MAGI3: variants seen among roughly 807,000 people sequenced by gnomAD.
MAGI3 encodes membrane associated guanylate kinase, WW and PDZ domain containing 3.
In MAGI3, 43 loss-of-function variants were observed where a neutral mutation model predicts 121.8. The observed-to-expected ratio is 0.35, with a 90% CI of 0.28 to 0.46. The LOEUF (loss-of-function observed/expected upper bound fraction) is 0.46. Among genes scored for constraint, MAGI3 ranks in the 20% least tolerant of loss-of-function variants. The probability of loss-of-function intolerance (pLI) is 1.00; values close to 1 mark genes in which losing one functional copy is unlikely to be tolerated. For missense variants in MAGI3, 1,547 were observed against 1,797.3 expected, an observed-to-expected ratio of 0.86 and a Z score of 2.52; for synonymous variants, 553 against 639.3, an observed-to-expected ratio of 0.86 and a Z score of 2.04.
chr1:113,534,424 G>A (rs1482031791), intron 1 of MAGI3, among the ~76,000 whole-genome samples: 1 of 152,042 alleles, frequency 6.6e-6, no homozygotes, highest in East Asian at 1.9e-4. Context: ...TTGCGGCCTT[G>A]CCTTTCCTTC....
At chr1:113,416,003 T>TACATATATTAATTATGTAATTAATG (rs1652286263) in intron 1 of MAGI3, among the ~76,000 whole-genome samples, 10 of 89,794 alleles carry the variant, frequency 1.1e-4, no homozygotes, top group Admixed American at 2.4e-4. Flanking sequence ...TATAATTAAT[T>TACATATATTAATTATGTAATTAATG]ACATATATTA....
At chr1:113,624,210 T>G (rs1323503553) in intron 9 of MAGI3, among the ~76,000 whole-genome samples, 1 of 152,192 alleles carries the variant, frequency 6.6e-6, no homozygotes, top group Non-Finnish European at 1.5e-5. Flanking sequence ...TCCTTTCTTG[T>G]GGGTATATAC....
In MAGI3 at chr1:113,550,972, G is replaced by A. The variant is rs66602772; in HGVS notation, c.433+1341G>A. ...CTTCCCCAACAAGAAAAAAAAAAAA[G>A]AAGAAGAAGAAAAAGGAAAGGGACT... On this transcript the variant is annotated intron_variant, in intron 2 of 20. Transcript: ENST00000307546. Among the ~76,000 whole-genome samples, 310 of 38,288 alleles carry A rather than the reference G, an allele frequency of 8.1e-3. 1 individual carries two copies. Among genetic ancestry groups the A allele is most frequent in the South Asian group, 0.033 (21 of 646 alleles). 25.1% of individuals were successfully genotyped at this position (38,288 alleles called of 152,430 possible). A position where few individuals can be genotyped will look rare whatever the true frequency, so the allele number is the denominator to read the frequency against.
intron 1 of MAGI3, among the ~76,000 whole-genome samples, chr1:113,476,731 A>G (rs1331079580): frequency 6.6e-6 from 1 of 152,178 alleles, no homozygotes; most frequent in African/African-American, 2.4e-5. Flanking sequence ...GTAGATGTCT[A>G]TTAGGTCTGT....
At chr1:113,525,029 CTCTCT>C (rs944225689) in intron 1 of MAGI3, among the ~76,000 whole-genome samples, 1 of 152,126 alleles carries the variant, frequency 6.6e-6, no homozygotes, top group Non-Finnish European at 1.5e-5. Context: ...CTTGCACAAG[CTCTCT>C]TCTCTTGTCT....
Position 113,684,601 on chromosome 1 carries a change from G to GA in MAGI3, c.*597dup, listed in dbSNP as rs76579897. On this transcript the variant is annotated 3_prime_UTR_variant, in exon 21 of 21. Coordinates refer to ENST00000307546, the MANE Select transcript of MAGI3 (RefSeq NM_001142782.2). ...AACCCCCAAACATCACTACTTTAAG[G>GA]AAAAAAAAAATGTAGTCCAATATTG... 0.11 allele frequency: 15,698 copies of GA among 149,084 alleles called. 1,021 individuals carry two copies. Among genetic ancestry groups the GA allele is most frequent in the East Asian group, 0.19 (984 of 5,226 alleles). The allele number at this position is 149,084 out of a possible 1,614,324, so 9.2% of individuals were successfully genotyped here.
chr1:113,420,155 G>C (rs527895800), intron 1 of MAGI3, among the ~76,000 whole-genome samples: 10 of 152,182 alleles, frequency 6.6e-5, no homozygotes, highest in Non-Finnish European at 1.3e-4. Flanking sequence ...CCTAGACATT[G>C]GCAGTGTTGA....
intron 16 of MAGI3, 108 bp downstream of exon 16, chr1:113,659,373 T>C: frequency 1.9e-6 from 1 of 529,836 alleles, no homozygotes; most frequent in East Asian, 3.0e-5. Flanking sequence ...GGGATATAAC[T>C]GTGTATGCAC....
chr1:113,457,371 C>A (rs1207109775), intron 1 of MAGI3, among the ~76,000 whole-genome samples: 1 of 152,126 alleles, frequency 6.6e-6, no homozygotes. Flanking sequence ...TCCCATTTGA[C>A]CCTTACAATT....
chr1:113,561,767 G>A (rs909177923), intron 2 of MAGI3, among the ~76,000 whole-genome samples: 3 of 151,990 alleles, frequency 2.0e-5, no homozygotes, highest in South Asian at 2.1e-4. Context: ...TGACCAGGGC[G>A]ATCAAGAAAA....
intron 14 of MAGI3, 125 bp downstream of exon 14, chr1:113,651,331 ATCCAG>A (rs1309386157): frequency 3.7e-6 from 3 of 812,310 alleles, no homozygotes; most frequent in East Asian, 5.9e-5. Flanking sequence ...ATTTGGTGTG[ATCCAG>A]GGCCTCACTG....
rs755892691 is a variant in MAGI3 at position 113,646,643 on chromosome 1, G to T, written c.2155+1G>T. The T allele has an allele frequency of 6.3e-7, 1 of 1,580,656 alleles. No individual in the cohort carries two copies. Among genetic ancestry groups the T allele is most frequent in the Non-Finnish European group, 8.6e-7 (1 of 1,163,722 alleles). ...TCTAAGACTTTATATGAAGATAAACGTAAGTAGTTGTGGAATATTTCAGGA... is the reference window on the plus strand; with the variant it reads ...TCTAAGACTTTATATGAAGATAAACTTAAGTAGTTGTGGAATATTTCAGGA... On this transcript the variant is annotated splice_donor_variant, in intron 12 of 20. Coordinates refer to ENST00000307546, the MANE Select transcript of MAGI3 (RefSeq NM_001142782.2). LOFTEE classifies it high-confidence loss of function.
chr1:113,630,104 A>T (rs891027184), intron 9 of MAGI3, among the ~76,000 whole-genome samples: 2 of 152,018 alleles, frequency 1.3e-5, no homozygotes, highest in African/African-American at 2.4e-5. Context: ...TGAAGTCAAA[A>T]ACCTTAGAAA....
chr1:113,593,385 A>T (rs927852857), intron 5 of MAGI3, among the ~76,000 whole-genome samples: 2 of 151,912 alleles, frequency 1.3e-5, no homozygotes, highest in Admixed American at 6.6e-5. Context: ...TGCAAAAAAA[A>T]TTTTTTCAGT....
chr1:113,666,848 T>C (rs185103816), intron 16 of MAGI3, among the ~76,000 whole-genome samples: 1 of 152,346 alleles, frequency 6.6e-6, no homozygotes, highest in African/African-American at 2.4e-5. Context: ...GGCTACAGAA[T>C]GGATGTTGTA....
chr1:113,451,938 A>T (rs1178537257), intron 1 of MAGI3, among the ~76,000 whole-genome samples: 1 of 152,184 alleles, frequency 6.6e-6, no homozygotes, highest in East Asian at 1.9e-4. Context: ...GTGGATGGAT[A>T]ATAAACGTTT....
chr1:113,578,157 A>G (rs908082325), intron 2 of MAGI3, among the ~76,000 whole-genome samples: 1 of 152,088 alleles, frequency 6.6e-6, no homozygotes, highest in African/African-American at 2.4e-5. Flanking sequence ...GGCTCTCTTT[A>G]TCACTCAGTA....
intron 15 of MAGI3, among the ~76,000 whole-genome samples, chr1:113,655,475 A>G (rs1653417192): frequency 6.6e-6 from 1 of 151,558 alleles, no homozygotes; most frequent in Non-Finnish European, 1.5e-5. Context: ...ACATTTATTT[A>G]TATTTAACAT....
intron 1 of MAGI3, among the ~76,000 whole-genome samples, chr1:113,456,518 G>A (rs1017496735): frequency 2.0e-5 from 3 of 152,054 alleles, no homozygotes; most frequent in Non-Finnish European, 4.4e-5. Flanking sequence ...AATATGGATG[G>A]GAAAAGTCAA....
Sources: gnomAD v4.1 joint callset for allele counts (sites outside exome capture counted in the v4.1 genomes callset) on GRCh38, gnomAD v4.1.1 for gene constraint, MANE v1.5 for transcripts, NCBI Gene and HGNC (gene_info 2026-07-23, HGNC 2026-07-21) for gene names.